The following RAB6B variants were observed in gnomAD, a reference collection of about 807,000 sequenced individuals.
RAB6B encodes the protein ras-related protein Rab-6B.
A neutral mutation model predicts 31.2 loss-of-function variants in RAB6B; 7 were observed. The ratio of observed to expected loss-of-function variants is 0.22; its 90% CI spans 0.13 to 0.42. RAB6B has a LOEUF of 0.42. Ranked by LOEUF, RAB6B falls within the 10% of genes least tolerant of loss-of-function variation. The probability of loss-of-function intolerance (pLI) is 1.00; values close to 1 mark genes in which losing one functional copy is unlikely to be tolerated. For missense variants in RAB6B, 149 were observed against 280.6 expected (o/e 0.53, Z 3.35); for synonymous variants, 105 against 104.9 (o/e 1.00, Z -0.01).
rs572011682 is a variant in RAB6B, at chr3:133,895,333, G to C, written c.70+64C>G. 3.4e-5 allele frequency: 52 copies of C among 1,536,032 alleles called. 2 individuals are homozygous for C. In the Admixed American group the frequency reaches 7.3e-4, roughly 21 times the overall value. On this transcript the variant is annotated intron_variant, in intron 1 of 7. Transcript: ENST00000285208. ...GAGCCTGGGCCGGGGGTCCCAATGG[G>C]GTGGGCGATTGGGCGGCGGGGGTCG...
At chr3:133,856,697 T>G (rs942522062) in intron 2 of RAB6B, among the ~76,000 whole-genome samples, 1 of 152,158 alleles carries the variant, frequency 6.6e-6, no homozygotes, top group African/African-American at 2.4e-5. Context: ...TTAGTAATCT[T>G]TCCTAATTCA....
rs1935554463 is a variant in RAB6B at position 133,825,907 on chromosome 3, A to G, written c.*2881T>C. The G allele has an allele frequency of 6.6e-6, 1 of 152,236 alleles. No homozygotes were observed. The highest frequency in any genetic ancestry group is 2.1e-4 in the South Asian group (1 of 4,834). 9.4% of individuals were successfully genotyped at this position (152,236 alleles called of 1,614,324 possible). On this transcript the variant is annotated 3_prime_UTR_variant, in exon 8 of 8. Coordinates refer to ENST00000285208, the MANE Select transcript of RAB6B (RefSeq NM_016577.4). ...TCTGCTAACCCATCTGGATTCAGCA[A>G]AGATGCAATGCTCTTGCTGGGGTGC...
At chr3:133,883,971 C>T (rs1936504128) in intron 1 of RAB6B, among the ~76,000 whole-genome samples, 1 of 152,192 alleles carries the variant, frequency 6.6e-6, no homozygotes, top group Non-Finnish European at 1.5e-5. Flanking sequence ...GCCTTCCAAA[C>T]CAGTTTTTCT....
At chr3:133,838,128 G>A (rs965424576) in intron 6 of RAB6B, 38 bp downstream of exon 6, 3 of 286,148 alleles carry the variant, frequency 1.0e-5, no homozygotes, top group Non-Finnish European at 1.1e-5. Flanking sequence ...ACACCGTGCC[G>A]GGCCCCGTGC....
At position 133,828,651 on chromosome 3, in the gene RAB6B, C is replaced by G; in HGVS notation, c.*137G>C. The G allele has an allele frequency of 1.3e-6, 1 of 785,166 alleles. No homozygotes were observed. Among genetic ancestry groups the G allele is most frequent in the South Asian group, 1.4e-5 (1 of 71,664 alleles). 48.6% of individuals were successfully genotyped at this position (785,166 alleles called of 1,614,324 possible). On this transcript the variant is annotated 3_prime_UTR_variant, in exon 8 of 8. Transcript: ENST00000285208. ...TGCCCAGCCTCCCTCCCCATCCCAC[C>G]CTACTCCTAAAGACAGAGAGAAAAG...
intron 7 of RAB6B, among the ~76,000 whole-genome samples, chr3:133,832,271 T>C (rs1935665614): frequency 6.6e-6 from 1 of 152,134 alleles, no homozygotes; most frequent in Admixed American, 6.5e-5. Context: ...GGTGGCCCCT[T>C]GGCTCCTACT....
At chr3:133,837,774 T>C (rs1054981919) in intron 6 of RAB6B, among the ~76,000 whole-genome samples, 2 of 152,196 alleles carry the variant, frequency 1.3e-5, no homozygotes, top group African/African-American at 4.8e-5. Flanking sequence ...GCGCAAGGCA[T>C]GAACCCCAAA....
intron 1 of RAB6B, among the ~76,000 whole-genome samples, chr3:133,880,543 C>T (rs1009902273): frequency 3.3e-5 from 5 of 152,236 alleles, no homozygotes; most frequent in South Asian, 4.1e-4. Flanking sequence ...ATGCCTGCCC[C>T]CTTCTCAGAG....
At position 133,875,545 on chromosome 3, in the gene RAB6B, T is replaced by C. The variant is rs546397737; in HGVS notation, c.71-10903A>G. 9.8e-5 allele frequency among the ~76,000 whole-genome samples: 15 copies of C among 152,294 alleles called. No homozygotes were observed. In the South Asian group the frequency reaches 2.9e-3, roughly 29 times the overall value. On this transcript the variant is annotated intron_variant, in intron 1 of 7. Coordinates refer to ENST00000285208, the MANE Select transcript of RAB6B (RefSeq NM_016577.4). ...AATATATACTTGATATTTCCAGCTT[T>C]TCTTCTTCACTTTCCAAAGCCCCCA... is the stretch of plus-strand genomic sequence containing the variant.
chr3:133,882,527 C>T (rs568446203), intron 1 of RAB6B, among the ~76,000 whole-genome samples: 5 of 152,298 alleles, frequency 3.3e-5, no homozygotes, highest in East Asian at 1.9e-4. Flanking sequence ...TGTGGTGAAC[C>T]GGGCTGATCA....
chr3:133,889,261 T>C (rs973844378), intron 1 of RAB6B, among the ~76,000 whole-genome samples: 1 of 151,712 alleles, frequency 6.6e-6, no homozygotes, highest in Non-Finnish European at 1.5e-5. Flanking sequence ...GATACAAATG[T>C]TACCACCCTT....
chr3:133,866,792 G>A (rs1050085000), intron 1 of RAB6B, among the ~76,000 whole-genome samples: 1 of 148,258 alleles, frequency 6.7e-6, no homozygotes, highest in Admixed American at 7.0e-5. Flanking sequence ...GATGCATTGG[G>A]GAAAACACAG....
chr3:133,866,232 A>G (rs1209533935), intron 1 of RAB6B, among the ~76,000 whole-genome samples: 2 of 152,180 alleles, frequency 1.3e-5, no homozygotes, highest in Non-Finnish European at 2.9e-5. Flanking sequence ...CACCACCCCC[A>G]GCCCTCAACT....
chr3:133,828,161 C>T lies in RAB6B; in HGVS notation c.*627G>A. ...GAGCCCACAGACCTTGGTCTCAGCT[C>T]CACACGAGGTTGACGACCCACTCTG... On this transcript the variant is annotated 3_prime_UTR_variant, in exon 8 of 8. Coordinates refer to ENST00000285208, the MANE Select transcript of RAB6B (RefSeq NM_016577.4). 1.7e-6 allele frequency: 1 copy of T among 596,738 alleles called. No individual in the cohort carries two copies. Among genetic ancestry groups the T allele is most frequent in the South Asian group, 2.0e-5 (1 of 49,874 alleles). The allele number at this position is 596,738 out of a possible 1,614,324, so 37.0% of individuals were successfully genotyped here.
At chr3:133,841,748 A>G (rs1288906630) in intron 2 of RAB6B, 85 bp from the exon 3 acceptor site, 14 of 1,398,180 alleles carry the variant, frequency 1.0e-5, no homozygotes, top group Non-Finnish European at 1.4e-5. Context: ...TGGTGGCATA[A>G]CCAGCAAGAG....
chr3:133,847,450 T>C (rs1225512912), intron 2 of RAB6B, among the ~76,000 whole-genome samples: 1 of 152,192 alleles, frequency 6.6e-6, no homozygotes, highest in Non-Finnish European at 1.5e-5. Flanking sequence ...TTCTCAGCCA[T>C]CTCCTTTCTC....
intron 1 of RAB6B, among the ~76,000 whole-genome samples, chr3:133,888,337 G>A (rs1044708078): frequency 5.3e-5 from 8 of 152,352 alleles, no homozygotes; most frequent in African/African-American, 1.9e-4. Flanking sequence ...CCTGTGTGGA[G>A]CCTCCGGCAT....
intron 2 of RAB6B, among the ~76,000 whole-genome samples, chr3:133,845,584 T>C (rs371940184): frequency 7.9e-5 from 12 of 152,374 alleles, no homozygotes; most frequent in African/African-American, 2.6e-4. Flanking sequence ...GATGAAGACA[T>C]CTGTCTTAAC....
intron 1 of RAB6B, 132 bp from the exon 2 acceptor site, chr3:133,864,774 G>T (rs1576403382): frequency 1.2e-6 from 1 of 865,746 alleles, no homozygotes; most frequent in African/African-American, 1.7e-5. Flanking sequence ...AAATACAGAA[G>T]TGGGAGACAG....
Sources: allele counts gnomAD v4.1 joint callset (sites outside exome capture counted in the v4.1 genomes callset), GRCh38; gene constraint gnomAD v4.1.1; transcripts MANE v1.5; gene names NCBI Gene and HGNC (gene_info 2026-07-23, HGNC 2026-07-21).